The following TUSC3 variants were observed in gnomAD, a reference collection of about 807,000 sequenced individuals.
TUSC3 encodes the protein dolichyl-diphosphooligosaccharide--protein glycosyltransferase subunit TUSC3.
Under a neutral mutation model 44.8 loss-of-function variants are expected in TUSC3, and 45 were observed. The ratio of observed to expected loss-of-function variants is 1.00; its 90% CI spans 0.79 to 1.29. The LOEUF is 1.29. Among genes scored for constraint, TUSC3 ranks in the 50% most tolerant of loss-of-function variants. The probability of loss-of-function intolerance (pLI) is 0.00; values close to 1 mark genes in which losing one functional copy is unlikely to be tolerated. For synonymous variants in TUSC3, 212 were observed against 152.9 expected (o/e 1.39, Z -2.85); for missense variants, 519 against 437.9 (o/e 1.19, Z -1.65).
intron 5 of TUSC3, 145 bp downstream of exon 5, chr8:15,662,441 G>C: frequency 1.7e-6 from 2 of 1,183,576 alleles, no homozygotes; most frequent in Middle Eastern, 2.8e-4. Flanking sequence ...GGATAATTTA[G>C]TTTGAGTTTT....
At chr8:15,570,882 T>C (rs1802845461) in intron 1 of TUSC3, among the ~76,000 whole-genome samples, 1 of 151,598 alleles carries the variant, frequency 6.6e-6, no homozygotes, top group Admixed American at 6.6e-5. Context: ...GCCGGATTGT[T>C]CAAAATATAT....
chr8:15,851,950 G>A, the TUSC3 span, among the ~76,000 whole-genome samples: 2 of 152,168 alleles, frequency 1.3e-5, no homozygotes, highest in South Asian at 4.2e-4. Flanking sequence ...GTTTTATAAG[G>A]GGAAATCCCT....
chr8:15,743,308 A>G (rs2129214451), intron 7 of TUSC3: 1 of 533,706 alleles, frequency 1.9e-6, no homozygotes, highest in East Asian at 3.3e-5. Context: ...GAACCTTTGG[A>G]ATTAGCCTCT....
At chr8:15,790,784 G>A in the TUSC3 span, among the ~76,000 whole-genome samples, 2 of 152,222 alleles carry the variant, frequency 1.3e-5, no homozygotes, top group Admixed American at 6.5e-5. Context: ...TGTATTTGAG[G>A]ATATGAAATT....
chr8:15,433,712 G>T (rs1339040130), intron 1 of TUSC3, among the ~76,000 whole-genome samples: 2 of 152,078 alleles, frequency 1.3e-5, no homozygotes. Flanking sequence ...TACTCACTTT[G>T]CCTGCCTTTG....
At chr8:15,480,760 A>G (rs1483140799) in intron 1 of TUSC3, among the ~76,000 whole-genome samples, 6 of 152,184 alleles carry the variant, frequency 3.9e-5, no homozygotes, top group Non-Finnish European at 4.4e-5. Flanking sequence ...ATCAGATGAG[A>G]GCTATTAATA....
chr8:15,609,812 A>G (rs892814441), intron 1 of TUSC3, among the ~76,000 whole-genome samples: 3 of 152,032 alleles, frequency 2.0e-5, no homozygotes, highest in Admixed American at 2.0e-4. Context: ...CCCAAAACCA[A>G]AAAAAGGCCA....
chr8:15,818,969 C>T, the TUSC3 span, among the ~76,000 whole-genome samples: 4 of 152,224 alleles, frequency 2.6e-5, no homozygotes, highest in East Asian at 1.9e-4. Flanking sequence ...CACACCTATA[C>T]TCCTGGTGCC....
intron 1 of TUSC3, among the ~76,000 whole-genome samples, chr8:15,596,443 C>A (rs1001678743): frequency 1.3e-5 from 2 of 152,102 alleles, no homozygotes; most frequent in Non-Finnish European, 2.9e-5. Flanking sequence ...CCTTTGCATA[C>A]AGAGTGCCAA....
chr8:15,788,546 CAAAAAA>C, the TUSC3 span, among the ~76,000 whole-genome samples: 1 of 75,542 alleles, frequency 1.3e-5, no homozygotes. Context: ...GACTCTATCT[CAAAAAA>C]AAAAAAAAAA....
intron 6 of TUSC3, among the ~76,000 whole-genome samples, chr8:15,679,598 T>A (rs986833747): frequency 1.3e-5 from 2 of 152,196 alleles, no homozygotes; most frequent in Admixed American, 1.3e-4. Context: ...TTCAGTATAA[T>A]TAGGTTCCAC....
At chr8:15,473,320 A>T (rs2129123287) in intron 1 of TUSC3, among the ~76,000 whole-genome samples, 1 of 152,288 alleles carries the variant, frequency 6.6e-6, no homozygotes, top group South Asian at 2.1e-4. Flanking sequence ...GCAACAAAAA[A>T]ATTTCAATTC....
chr8:15,495,583 A>C (rs971260393), intron 2 of TUSC3, among the ~76,000 whole-genome samples: 5 of 152,046 alleles, frequency 3.3e-5, no homozygotes, highest in African/African-American at 1.2e-4. Flanking sequence ...AGCCCTTGAA[A>C]TGTTTGTGTA....
the TUSC3 span, among the ~76,000 whole-genome samples, chr8:15,805,692 T>C: frequency 6.6e-6 from 1 of 152,170 alleles, no homozygotes; most frequent in Non-Finnish European, 1.5e-5. Context: ...TCATGGTAAA[T>C]TAACTTTCTG....
intron 6 of TUSC3, among the ~76,000 whole-genome samples, chr8:15,722,069 A>G (rs1326458062): frequency 6.6e-6 from 1 of 152,010 alleles, no homozygotes; most frequent in Non-Finnish European, 1.5e-5. Context: ...GATTCCCATT[A>G]GCTGTCTCAC....
At chr8:15,503,778 G>A (rs187389869) in intron 2 of TUSC3, among the ~76,000 whole-genome samples, 46 of 152,094 alleles carry the variant, frequency 3.0e-4, no homozygotes, top group South Asian at 2.7e-3. Flanking sequence ...TGAGGCGGGT[G>A]AATCACTTGA....
chr8:15,497,692 C>T (rs549099393), intron 2 of TUSC3, among the ~76,000 whole-genome samples: 3 of 152,062 alleles, frequency 2.0e-5, no homozygotes, highest in Middle Eastern at 3.4e-3. Flanking sequence ...GGAAAATGCA[C>T]GCAAGAGAAG....
chr8:15,621,794 A>G (rs1805258914), intron 1 of TUSC3, among the ~76,000 whole-genome samples: 1 of 150,678 alleles, frequency 6.6e-6, no homozygotes. Flanking sequence ...AAAAAAACAC[A>G]GCCGAGTCAT....
chr8:15,556,427 A>C (rs548781770), intron 1 of TUSC3, among the ~76,000 whole-genome samples: 1 of 151,466 alleles, frequency 6.6e-6, no homozygotes, highest in East Asian at 2.0e-4. Flanking sequence ...GGTTGGTTCC[A>C]AGTCTTTGCT....
Sources: allele counts gnomAD v4.1 joint callset (sites outside exome capture counted in the v4.1 genomes callset), GRCh38; gene constraint gnomAD v4.1.1; transcripts MANE v1.5; gene names NCBI Gene and HGNC (gene_info 2026-07-23, HGNC 2026-07-21).